The following PRIM2 variants were observed in gnomAD, a reference collection of about 807,000 sequenced individuals.
PRIM2 encodes the protein DNA primase subunit 2.
Under a neutral mutation model 67.3 loss-of-function variants are expected in PRIM2, and 39 were observed. The ratio of observed to expected loss-of-function variants is 0.58; its 90% CI spans 0.45 to 0.76. PRIM2 has a LOEUF of 0.76. Among genes scored for constraint, PRIM2 ranks in the 30% least tolerant of loss-of-function variants. The probability of loss-of-function intolerance (pLI) is 0.00; values close to 1 mark genes in which losing one functional copy is unlikely to be tolerated. For missense variants in PRIM2, 398 were observed against 598.7 expected, an observed-to-expected ratio of 0.66 and a Z score of 3.50; for synonymous variants, 143 against 198.7, an observed-to-expected ratio of 0.72 and a Z score of 2.36.
Position 57,537,622 on chromosome 6 carries a change from C to T in PRIM2, c.1017C>T (p.Asp339=), listed in dbSNP as rs1278207909. The T allele has an allele frequency of 2.0e-6, 3 of 1,471,634 alleles. No individual in the cohort carries two copies. Among genetic ancestry groups the T allele is most frequent in the Non-Finnish European group, 2.7e-6 (3 of 1,105,732 alleles). The allele number at this position is 1,471,634 out of a possible 1,614,324, so 91.2% of individuals were successfully genotyped here. ...QEFIKGKMDP[D]KFDKGYSYNI... is the part of the protein sequence containing the mutation. Reference sequence around the variant, plus strand: ...TTATCAAAGGAAAGATGGATCCAGACAAGGTAATTTTGAAAAAAAATATCA... The same window carrying T: ...TTATCAAAGGAAAGATGGATCCAGATAAGGTAATTTTGAAAAAAAATATCA... The change falls in exon 10 of 14, where the codon GAC becomes GAT. Residue 339 remains aspartate, a synonymous_variant. Coordinates refer to ENST00000615550, the MANE Select transcript of PRIM2 (RefSeq NM_000947.5).
At chr6:57,605,154 G>A (rs1228375823) in intron 11 of PRIM2, among the ~76,000 whole-genome samples, 4 of 152,168 alleles carry the variant, frequency 2.6e-5, no homozygotes, top group Admixed American at 2.0e-4. Context: ...TTTTTGATGT[G>A]CTGCTGGATT....
intron 12 of PRIM2, among the ~76,000 whole-genome samples, chr6:57,611,349 G>A (rs1357474783): frequency 4.9e-4 from 74 of 152,256 alleles, no homozygotes; most frequent in African/African-American, 1.8e-3. Context: ...ACAAAGTGGA[G>A]ACACATGTTT....
chr6:57,407,002 C>G (rs1196083899), intron 7 of PRIM2, among the ~76,000 whole-genome samples: 1 of 150,658 alleles, frequency 6.6e-6, no homozygotes, highest in Non-Finnish European at 1.5e-5. Flanking sequence ...AAACAGATAA[C>G]TGAACCTGGA....
chr6:57,476,734 G>A (rs1225114359), intron 7 of PRIM2, among the ~76,000 whole-genome samples: 1 of 152,034 alleles, frequency 6.6e-6, no homozygotes, highest in Non-Finnish European at 1.5e-5. Flanking sequence ...ATTGCATGAT[G>A]TGATTATTTT....
At chr6:57,272,474 G>T in the PRIM2 span, among the ~76,000 whole-genome samples, 1 of 152,024 alleles carries the variant, frequency 6.6e-6, no homozygotes, top group Non-Finnish European at 1.5e-5. Context: ...TTTTCCATTT[G>T]CTTGGTAGAT....
chr6:57,251,009 C>T, the PRIM2 span, among the ~76,000 whole-genome samples: 2 of 152,236 alleles, frequency 1.3e-5, no homozygotes, highest in East Asian at 1.9e-4. Context: ...CTTCTTGTCC[C>T]AAGCATTTCA....
chr6:57,339,613 C>T (rs1406733644), intron 5 of PRIM2, among the ~76,000 whole-genome samples: 1 of 152,058 alleles, frequency 6.6e-6, no homozygotes, highest in Non-Finnish European at 1.5e-5. Flanking sequence ...GGAAAGGATT[C>T]CCTATTTAAT....
At chr6:57,519,512 A>T (rs1199172150) in intron 8 of PRIM2, among the ~76,000 whole-genome samples, 3 of 152,230 alleles carry the variant, frequency 2.0e-5, no homozygotes, top group Admixed American at 6.5e-5. Context: ...TTGAAAGAAG[A>T]GAAATATGGC....
At chr6:57,621,022 C>A (rs1776843025) in intron 12 of PRIM2, among the ~76,000 whole-genome samples, 1 of 152,236 alleles carries the variant, frequency 6.6e-6, no homozygotes, top group African/African-American at 2.4e-5. Context: ...TTAATGATGT[C>A]ATGTCTTTTT....
intron 7 of PRIM2, among the ~76,000 whole-genome samples, chr6:57,499,119 C>T (rs1774072993): frequency 6.6e-6 from 1 of 152,162 alleles, no homozygotes; most frequent in Non-Finnish European, 1.5e-5. Context: ...AGGTGTACAA[C>T]AAGAGTTATA....
At chr6:57,293,483 T>A in the PRIM2 span, among the ~76,000 whole-genome samples, 3 of 152,366 alleles carry the variant, frequency 2.0e-5, 1 homozygote, top group Admixed American at 2.0e-4. Context: ...ATCCCATTAC[T>A]GGGTATATAC....
In PRIM2 at chr6:57,320,547, A is replaced by G. The variant is rs202065947; in HGVS notation, c.245A>G (p.Lys82Arg). Residue 82 changes from lysine to arginine, a missense_variant, in exon 3 of 14, where the codon AAG becomes AGG. By Grantham distance (26) the Lys-to-Arg change is conservative. Around this residue, in one of 4 missense-constraint regions of PRIM2, gnomAD observed 96 missense variants for 98.3 expected, o/e 0.98. Coordinates refer to ENST00000615550, the MANE Select transcript of PRIM2 (RefSeq NM_000947.5). ...SKLESELRKL[K>R]FSYRENLEDE... ...TTGGAGAGTGAGCTTCGGAAGCTCA[A>G]GTTTTCCTACAGAGTAAGTAAAAAA... 109 of 1,604,438 alleles carry G rather than the reference A, an allele frequency of 6.8e-5. No individual in the cohort carries two copies. The African/African-American group carries it at 1.4e-3, about 21-fold the overall frequency.
chr6:57,612,697 T>C (rs1776688110), intron 12 of PRIM2, among the ~76,000 whole-genome samples: 1 of 152,248 alleles, frequency 6.6e-6, no homozygotes, highest in African/African-American at 2.4e-5. Flanking sequence ...TAAAAACTTT[T>C]ACTTTTTTAG....
chr6:57,243,198 C>A, the PRIM2 span, among the ~76,000 whole-genome samples: 1 of 152,180 alleles, frequency 6.6e-6, no homozygotes, highest in African/African-American at 2.4e-5. Context: ...TCATTCACTA[C>A]CTAACCCTTT....
At chr6:57,420,145 T>G (rs1284543803) in intron 7 of PRIM2, among the ~76,000 whole-genome samples, 1 of 152,238 alleles carries the variant, frequency 6.6e-6, no homozygotes, top group Non-Finnish European at 1.5e-5. Context: ...GGCCATTTTC[T>G]ATTAATAATT....
At chr6:57,558,328 A>G (rs1446658173) in intron 10 of PRIM2, among the ~76,000 whole-genome samples, 1 of 152,180 alleles carries the variant, frequency 6.6e-6, no homozygotes, top group African/African-American at 2.4e-5. Flanking sequence ...AGTAAGATAT[A>G]TCTACCTAGG....
chr6:57,557,766 A>C (rs1775543912), intron 10 of PRIM2, among the ~76,000 whole-genome samples: 2 of 152,170 alleles, frequency 1.3e-5, no homozygotes, highest in African/African-American at 4.8e-5. Context: ...CCCAAACTTA[A>C]AAGTTAAAAA....
chr6:57,269,387 A>T, the PRIM2 span, among the ~76,000 whole-genome samples: 1 of 147,564 alleles, frequency 6.8e-6, no homozygotes, highest in Non-Finnish European at 1.5e-5. Context: ...ATGGCCAGTG[A>T]TGATGAGCAT....
chr6:57,318,391 A>G (rs1172671915), intron 1 of PRIM2, 46 bp from the exon 2 acceptor site: 6 of 1,504,668 alleles, frequency 4.0e-6, no homozygotes, highest in South Asian at 2.6e-5. Flanking sequence ...TTTTCCCCCA[A>G]CTTTGTTTTC....
Sources: gnomAD v4.1 joint callset for allele counts (sites outside exome capture counted in the v4.1 genomes callset) on GRCh38, gnomAD v4.1.1 for gene constraint, gnomAD v4.1.1 regional missense constraint, MANE v1.5 for transcripts, NCBI Gene and HGNC (gene_info 2026-07-23, HGNC 2026-07-21) for gene names.